ZNF516: variants seen among roughly 807,000 people sequenced by gnomAD.
The protein encoded by ZNF516 is zinc finger protein 516.
A neutral mutation model predicts 79.7 loss-of-function variants in ZNF516; 19 were observed. The ratio of observed to expected loss-of-function variants is 0.24; its 90% CI spans 0.17 to 0.35. ZNF516 has a LOEUF of 0.35. ZNF516 is among the 10% of genes least tolerant of loss of function. The pLI is 1.00. For missense variants in ZNF516, 1,678 were observed against 1,679.5 expected (o/e 1.00, Z 0.02); for synonymous variants, 877 against 739.5 (o/e 1.19, Z -3.02).
chr18:76,411,993 C>T (rs1464685842), intron 3 of ZNF516, among the ~76,000 whole-genome samples: 2 of 152,156 alleles, frequency 1.3e-5, no homozygotes, highest in East Asian at 1.9e-4. Flanking sequence ...GGAGTCAACC[C>T]GAGATGATCC....
In ZNF516 at chr18:76,451,702, C is replaced by A. The variant is rs1047446792; in HGVS notation, c.-157-8491G>T. On this transcript the variant is annotated intron_variant, in intron 2 of 6. Transcript: ENST00000443185. This position sits in a 1 kb window ranked among gnomAD's most constrained non-coding sequence, Gnocchi z 6.0. ...TGAGTATACTGTGTGTGTTTGTTCT[C>A]CGGGAAACAATGAGACGGGCTTCAC... is the stretch of plus-strand genomic sequence containing the variant. Among the ~76,000 whole-genome samples the A allele has an allele frequency of 1.3e-5, 2 of 152,120 alleles. No homozygotes were observed. The highest frequency in any genetic ancestry group is 4.8e-5 in the African/African-American group (2 of 41,414).
chr18:76,419,934 G>T (rs867726569), intron 3 of ZNF516, among the ~76,000 whole-genome samples: 2 of 152,226 alleles, frequency 1.3e-5, no homozygotes, highest in African/African-American at 2.4e-5. Context: ...TGGAAGCCAG[G>T]AGTCCCCACT....
chr18:76,485,604 G>A (rs1013641843), intron 1 of ZNF516, among the ~76,000 whole-genome samples: 3 of 152,242 alleles, frequency 2.0e-5, no homozygotes, highest in South Asian at 2.1e-4. Context: ...CTTTGGTGTC[G>A]ACTCGACAGC....
At chr18:76,466,705 C>A (rs921447160) in intron 1 of ZNF516, among the ~76,000 whole-genome samples, 1 of 152,198 alleles carries the variant, frequency 6.6e-6, no homozygotes, top group African/African-American at 2.4e-5. Context: ...AGGCAAGACA[C>A]CCAGTGGGGA....
At chr18:76,371,923 A>G (rs533918015) in intron 4 of ZNF516, among the ~76,000 whole-genome samples, 2 of 152,298 alleles carry the variant, frequency 1.3e-5, no homozygotes, top group East Asian at 3.9e-4. Flanking sequence ...AGCAAATCAG[A>G]GTGACACCGG....
At chr18:76,461,485 T>C in intron 2 of ZNF516, among the ~76,000 whole-genome samples, 1 of 152,166 alleles carries the variant, frequency 6.6e-6, no homozygotes, top group East Asian at 1.9e-4. Flanking sequence ...CTACACCACT[T>C]GAGAAGCCCT....
At chr18:76,431,498 G>A (rs551328110) in intron 3 of ZNF516, among the ~76,000 whole-genome samples, 1 of 152,314 alleles carries the variant, frequency 6.6e-6, no homozygotes, top group East Asian at 1.9e-4. Flanking sequence ...CCGGCATGAC[G>A]GGGCTTGGAC....
At chr18:76,413,049 C>T (rs1207827835) in intron 3 of ZNF516, among the ~76,000 whole-genome samples, 1 of 152,234 alleles carries the variant, frequency 6.6e-6, no homozygotes, top group Non-Finnish European at 1.5e-5. Context: ...AATGCTGAAA[C>T]CAAGGCCTCT....
At chr18:76,495,680 G>A (rs1915453805), upstream of ZNF516, 1 of 1,187,802 alleles carries the variant, frequency 8.4e-7, no homozygotes, top group Non-Finnish European at 1.1e-6. Flanking sequence ...GCGCGCACAC[G>A]CGCATCCATA....
intron 6 of ZNF516, among the ~76,000 whole-genome samples, chr18:76,368,965 G>T (rs1195815173): frequency 6.6e-6 from 1 of 152,176 alleles, no homozygotes; most frequent in African/African-American, 2.4e-5. Flanking sequence ...GATCCACCTG[G>T]CCTGGCTTCC....
At chr18:76,489,971 G>A (rs1915067180) in intron 1 of ZNF516, among the ~76,000 whole-genome samples, 1 of 152,154 alleles carries the variant, frequency 6.6e-6, no homozygotes, top group African/African-American at 2.4e-5. Context: ...GATCCACCGG[G>A]ATTATTATTT....
chr18:76,408,904 G>A (rs989874045), intron 3 of ZNF516, among the ~76,000 whole-genome samples: 78 of 152,324 alleles, frequency 5.1e-4, no homozygotes, highest in African/African-American at 1.8e-3. Context: ...ACTGACGAGA[G>A]CGCTGCTAAA....
At chr18:76,429,176 G>C (rs1197216691) in intron 3 of ZNF516, among the ~76,000 whole-genome samples, 1 of 152,204 alleles carries the variant, frequency 6.6e-6, no homozygotes, top group African/African-American at 2.4e-5. Context: ...CCCCAGCACA[G>C]GGCATCAGAA....
intron 4 of ZNF516, among the ~76,000 whole-genome samples, chr18:76,374,394 T>C (rs1448521510): frequency 6.6e-6 from 1 of 152,182 alleles, no homozygotes; most frequent in Non-Finnish European, 1.5e-5. Context: ...TTACAGAAAA[T>C]GCAGTGGGTT....
intron 4 of ZNF516, among the ~76,000 whole-genome samples, chr18:76,375,724 A>C (rs1221507655): frequency 2.0e-5 from 3 of 146,566 alleles, no homozygotes; most frequent in Non-Finnish European, 4.5e-5. Context: ...AAGGGCCAAG[A>C]GACCAGGTAG....
chr18:76,454,065 C>A (rs1466196471), intron 2 of ZNF516, among the ~76,000 whole-genome samples: 1 of 151,968 alleles, frequency 6.6e-6, no homozygotes, highest in Non-Finnish European at 1.5e-5. Context: ...TAGAAGTCCC[C>A]ACCATCAAAT....
At chr18:76,433,928 T>C (rs2075696135) in intron 3 of ZNF516, among the ~76,000 whole-genome samples, 2 of 152,256 alleles carry the variant, frequency 1.3e-5, no homozygotes, top group Non-Finnish European at 2.9e-5. Flanking sequence ...CACCGCTCCA[T>C]GGCATCACAC....
chr18:76,424,575 C>A (rs1382024949), intron 3 of ZNF516, among the ~76,000 whole-genome samples: 1 of 124,566 alleles, frequency 8.0e-6, no homozygotes, highest in African/African-American at 3.2e-5. Flanking sequence ...AAAGGTTCCC[C>A]CGAAACACAC....
At chr18:76,432,317 G>C (rs2075671117) in intron 3 of ZNF516, among the ~76,000 whole-genome samples, 1 of 152,188 alleles carries the variant, frequency 6.6e-6, no homozygotes, top group Non-Finnish European at 1.5e-5. Flanking sequence ...GAAAGCCTCA[G>C]TACTGTCATT....
Sources: gnomAD v4.1 joint callset for allele counts (sites outside exome capture counted in the v4.1 genomes callset) on GRCh38, gnomAD v4.1.1 for gene constraint, Gnocchi (gnomAD v3.1) non-coding constraint, MANE v1.5 for transcripts, NCBI Gene and HGNC (gene_info 2026-07-23, HGNC 2026-07-21) for gene names.